The following AGL variants were observed in gnomAD, a reference collection of about 807,000 sequenced individuals.
AGL encodes the protein glycogen debranching enzyme.
AGL carries 128 observed loss-of-function variants against 199.3 expected under a neutral mutation model. That is an observed-to-expected ratio of 0.64 (90% CI 0.56 to 0.74). The LOEUF (loss-of-function observed/expected upper bound fraction) is 0.74. AGL is among the 30% of genes least tolerant of loss of function. The pLI, the probability that AGL is intolerant of heterozygous loss-of-function variation, is 0.00. For synonymous variants in AGL, 584 were observed against 594.7 expected (o/e 0.98, Z 0.26); for missense variants, 1,809 against 1,820.8 (o/e 0.99, Z 0.12).
Position 99,880,622 on chromosome 1 carries a change from T to C in AGL, c.1736-10T>C, listed in dbSNP as rs1651931690. 1.2e-6 allele frequency: 2 copies of C among 1,613,404 alleles called. No homozygotes were observed. The highest frequency in any genetic ancestry group is 1.3e-5 in the African/African-American group (1 of 74,918). ...TGAAGATTGTTAAAATATTCTGTAA[T>C]GCTCTGCAGAGGCAATGAGTGCATA... is the stretch of plus-strand genomic sequence containing the variant. On this transcript the variant is annotated splice_polypyrimidine_tract_variant and intron_variant, in intron 13 of 33. Coordinates refer to ENST00000361915, the MANE Select transcript of AGL (RefSeq NM_000642.3).
At chr1:99,898,513 T>C (rs1406354014) in intron 25 of AGL, among the ~76,000 whole-genome samples, 1 of 152,164 alleles carries the variant, frequency 6.6e-6, no homozygotes, top group Non-Finnish European at 1.5e-5. Context: ...TAATATATTA[T>C]CCCAGAGGGT....
At chr1:99,916,365 T>C in intron 31 of AGL, 45 bp from the exon 32 acceptor site, 1 of 1,407,444 alleles carries the variant, frequency 7.1e-7, no homozygotes, top group South Asian at 1.2e-5. Flanking sequence ...TTTTACATAA[T>C]ATCTGATCAT....
intron 13 of AGL, 101 bp from the exon 14 acceptor site, chr1:99,880,531 T>C: frequency 7.6e-7 from 1 of 1,309,470 alleles, no homozygotes; most frequent in African/African-American, 1.5e-5. Context: ...TTTATAATAT[T>C]GATGTGGTCT....
intron 7 of AGL, 96 bp downstream of exon 7, chr1:99,870,965 T>G: frequency 1.3e-6 from 1 of 758,408 alleles, no homozygotes; most frequent in Middle Eastern, 3.1e-4. Flanking sequence ...ATTAAATATG[T>G]CATTGTATTA....
intron 24 of AGL, 101 bp downstream of exon 24, chr1:99,892,708 C>G (rs554953848): frequency 1.6e-5 from 19 of 1,188,434 alleles, no homozygotes; most frequent in Non-Finnish European, 1.9e-5. Context: ...TAATGCTACT[C>G]AAGATTTTAT....
chr1:99,873,013 C>T (rs1409552852), intron 7 of AGL, among the ~76,000 whole-genome samples: 1 of 151,952 alleles, frequency 6.6e-6, no homozygotes, highest in Non-Finnish European at 1.5e-5. Flanking sequence ...TGCTCTTGAT[C>T]TTTTAACTCT....
chr1:99,915,911 A>G (rs1303005010), intron 31 of AGL, among the ~76,000 whole-genome samples: 1 of 152,180 alleles, frequency 6.6e-6, no homozygotes, highest in Non-Finnish European at 1.5e-5. Context: ...CAATAAAGCA[A>G]TATGTATATT....
chr1:99,875,604 A>G (rs1651455392), intron 10 of AGL, 149 bp downstream of exon 10: 1 of 728,828 alleles, frequency 1.4e-6, no homozygotes, highest in Non-Finnish European at 2.3e-6. Flanking sequence ...CATAGGCTTA[A>G]TATTAACTAA....
At chr1:99,891,163 T>C (rs944559450) in intron 21 of AGL, 57 bp from the exon 22 acceptor site, 2 of 1,608,012 alleles carry the variant, frequency 1.2e-6, no homozygotes, top group South Asian at 2.2e-5. Context: ...GACTAGAGGA[T>C]ATAGGAACAA....
chr1:99,915,253 T>C (rs1443933817), intron 30 of AGL, 136 bp from the exon 31 acceptor site: 4 of 748,354 alleles, frequency 5.3e-6, no homozygotes, highest in African/African-American at 5.3e-5. Flanking sequence ...TAGATCTGTT[T>C]AGGCATCTAC....
At chr1:99,917,402 G>A (rs1467560860) in intron 33 of AGL, among the ~76,000 whole-genome samples, 2 of 152,072 alleles carry the variant, frequency 1.3e-5, no homozygotes, top group African/African-American at 2.4e-5. Context: ...TGTTTTGTTT[G>A]GTTGTCACCA....
chr1:99,867,916 C>T (rs796752808), intron 5 of AGL, among the ~76,000 whole-genome samples: 2 of 152,286 alleles, frequency 1.3e-5, no homozygotes, highest in African/African-American at 4.8e-5. Flanking sequence ...TCCTTTCCCA[C>T]AAGTAGCAGG....
chr1:99,881,061 G>T lies in AGL; in HGVS notation c.1900-15G>T. The T allele has an allele frequency of 6.2e-7, 1 of 1,605,708 alleles. No homozygotes were observed. Among genetic ancestry groups the T allele is most frequent in the Middle Eastern group, 1.7e-4 (1 of 6,044 alleles). ...AAAGAAAGCAAACTTTTGCTTTGTT[G>T]TTGTTGTCTTCTAGCATAGATCAGC... On this transcript the variant is annotated splice_polypyrimidine_tract_variant and intron_variant, in intron 14 of 33. Coordinates refer to ENST00000361915, the MANE Select transcript of AGL (RefSeq NM_000642.3).
intron 2 of AGL, among the ~76,000 whole-genome samples, chr1:99,857,806 G>GGAGGAGGGGGGAGAGGGAGACCGT (rs1553182559): frequency 2.8e-5 from 4 of 142,838 alleles, no homozygotes; most frequent in Non-Finnish European, 3.1e-5. Flanking sequence ...ACCGTGGGGA[G>GGAGGAGGGGGGAGAGGGAGACCGT]GGGGAGGGGG....
intron 26 of AGL, among the ~76,000 whole-genome samples, chr1:99,901,273 G>A (rs1210702731): frequency 2.7e-5 from 4 of 150,528 alleles, no homozygotes; most frequent in Non-Finnish European, 3.0e-5. Flanking sequence ...GAAGCCAGGT[G>A]TATGGCACAC....
intron 27 of AGL, among the ~76,000 whole-genome samples, chr1:99,909,810 G>A (rs1344085750): frequency 6.6e-6 from 1 of 152,130 alleles, no homozygotes; most frequent in Non-Finnish European, 1.5e-5. Context: ...AAGAGAGGAA[G>A]ATCAGGGAAA....
In AGL at chr1:99,899,849, TGA is replaced by T. The variant is rs1476419178; in HGVS notation, c.3363-786_3363-785del. Among the ~76,000 whole-genome samples the T allele has an allele frequency of 9.2e-5, 14 of 151,912 alleles. No individual in the cohort carries two copies. In the East Asian group the frequency reaches 2.5e-3, roughly 27 times the overall value. On this transcript the variant is annotated intron_variant, in intron 25 of 33. Transcript: ENST00000361915. Reference sequence around the variant, plus strand: ...GTTAGTCAGGATGGTCTCGATCTCCTGACCTCGTGATCTACCCGCCTCAGCCT... The same window carrying T: ...GTTAGTCAGGATGGTCTCGATCTCCTCCTCGTGATCTACCCGCCTCAGCCT...
chr1:99,859,381 T>G (rs115739347), intron 2 of AGL, among the ~76,000 whole-genome samples: 2,268 of 141,184 alleles, frequency 0.016, 33 homozygotes, highest in Middle Eastern at 0.091. Context: ...GATTATACTA[T>G]CTAAACAATT....
intron 2 of AGL, among the ~76,000 whole-genome samples, chr1:99,857,685 G>A (rs1247744771): frequency 5.9e-5 from 9 of 151,276 alleles, no homozygotes; most frequent in Middle Eastern, 3.4e-3. Context: ...GGCGGCGCGC[G>A]CCTGCAATCG....
Sources: allele counts gnomAD v4.1 joint callset (sites outside exome capture counted in the v4.1 genomes callset), GRCh38; gene constraint gnomAD v4.1.1; transcripts MANE v1.5; gene names NCBI Gene and HGNC (gene_info 2026-07-23, HGNC 2026-07-21).